The following LRP1B variants were observed in gnomAD, a reference collection of about 807,000 sequenced individuals.
The protein encoded by LRP1B is low-density lipoprotein receptor-related protein 1B.
A neutral mutation model predicts 556.6 loss-of-function variants in LRP1B; 217 were observed. The ratio of observed to expected loss-of-function variants is 0.39; its 90% CI spans 0.35 to 0.44. The LOEUF is 0.44. Among genes scored for constraint, LRP1B ranks in the 20% least tolerant of loss-of-function variants. The pLI is 1.00. For synonymous variants in LRP1B, 2,047 were observed against 1,865.8 expected, an observed-to-expected ratio of 1.10 and a Z score of -2.50; for missense variants, 5,053 against 5,620.8, an observed-to-expected ratio of 0.90 and a Z score of 3.23.
intron 86 of LRP1B, among the ~76,000 whole-genome samples, chr2:140,253,842 A>T (rs754803549): frequency 4.6e-5 from 7 of 152,182 alleles, no homozygotes; most frequent in Admixed American, 2.6e-4. Flanking sequence ...AGGCCATTAC[A>T]TTAGACACAC....
intron 2 of LRP1B, among the ~76,000 whole-genome samples, chr2:141,776,219 T>C (rs1237161845): frequency 5.8e-5 from 7 of 120,350 alleles, no homozygotes; most frequent in Non-Finnish European, 1.4e-4. Flanking sequence ...AGTTCTCAGG[T>C]AACGAAAGTG....
intron 1 of LRP1B, among the ~76,000 whole-genome samples, chr2:141,825,705 GTTC>G (rs1696898287): frequency 6.6e-6 from 1 of 152,120 alleles, no homozygotes; most frequent in South Asian, 2.1e-4. Context: ...AGATAATTAA[GTTC>G]TTCTCTACAG....
At chr2:140,615,337 C>A (rs144151484) in intron 41 of LRP1B, among the ~76,000 whole-genome samples, 6,239 of 152,094 alleles carry the variant, frequency 0.041, 178 homozygotes, top group Middle Eastern at 0.082. Flanking sequence ...TTCCCTAGTC[C>A]CCTGACTGCC....
At chr2:141,560,255 A>G (rs571172613) in intron 2 of LRP1B, among the ~76,000 whole-genome samples, 215 of 151,912 alleles carry the variant, frequency 1.4e-3, no homozygotes, top group Non-Finnish European at 2.5e-3. Flanking sequence ...AGGAACATTA[A>G]CTTCATTCTC....
intron 1 of LRP1B, among the ~76,000 whole-genome samples, chr2:141,854,255 T>C (rs1319256675): frequency 1.3e-5 from 2 of 151,888 alleles, no homozygotes; most frequent in Admixed American, 1.3e-4. Flanking sequence ...AAGAGGAAAA[T>C]GTTAAATCAG....
intron 43 of LRP1B, among the ~76,000 whole-genome samples, chr2:140,566,824 A>T (rs1319995229): frequency 6.6e-6 from 1 of 152,178 alleles, no homozygotes; most frequent in Non-Finnish European, 1.5e-5. Flanking sequence ...ACAGTGCCTA[A>T]GTTAAAGCAG....
intron 7 of LRP1B, among the ~76,000 whole-genome samples, chr2:141,093,652 T>A (rs1242528540): frequency 6.6e-6 from 1 of 150,920 alleles, no homozygotes; most frequent in African/African-American, 2.4e-5. Flanking sequence ...CAGAATAGAA[T>A]AAAGAAAAAG....
At chr2:142,055,179 A>G (rs564978812) in intron 1 of LRP1B, among the ~76,000 whole-genome samples, 1 of 152,242 alleles carries the variant, frequency 6.6e-6, no homozygotes, top group Non-Finnish European at 1.5e-5. Context: ...AGGAATAAAC[A>G]GACATATTCA....
chr2:141,671,218 G>C (rs962179066), intron 2 of LRP1B, among the ~76,000 whole-genome samples: 1 of 152,186 alleles, frequency 6.6e-6, no homozygotes, highest in African/African-American at 2.4e-5. Flanking sequence ...CATAACTGCT[G>C]ATTCCAGAGC....
intron 34 of LRP1B, among the ~76,000 whole-genome samples, chr2:140,769,570 T>C (rs1689234011): frequency 6.6e-6 from 1 of 151,904 alleles, no homozygotes; most frequent in Non-Finnish European, 1.5e-5. Flanking sequence ...AAAATAGGAA[T>C]TTATTAAAAT....
chr2:141,877,196 T>G (rs1698793655), intron 1 of LRP1B, among the ~76,000 whole-genome samples: 1 of 151,950 alleles, frequency 6.6e-6, no homozygotes. Flanking sequence ...TGTTAAACAT[T>G]AGTTTTTTTT....
intron 1 of LRP1B, among the ~76,000 whole-genome samples, chr2:141,860,963 T>C (rs899137992): frequency 6.6e-6 from 1 of 152,230 alleles, no homozygotes; most frequent in East Asian, 1.9e-4. Context: ...CACACTAAGA[T>C]AATTTCTGCC....
At chr2:141,329,386 C>CAAAAAAAA in intron 3 of LRP1B, among the ~76,000 whole-genome samples, 1 of 111,730 alleles carries the variant, frequency 9.0e-6, no homozygotes, top group African/African-American at 3.5e-5. Context: ...AAAACTCCGT[C>CAAAAAAAA]AAAAAAAAAA....
At chr2:141,081,043 G>A (rs1289828759) in intron 7 of LRP1B, among the ~76,000 whole-genome samples, 2 of 152,062 alleles carry the variant, frequency 1.3e-5, no homozygotes, top group Non-Finnish European at 2.9e-5. Context: ...ATGTTTCCCA[G>A]GCCAGTTGTG....
At chr2:141,103,278 T>C (rs942856459) in intron 7 of LRP1B, among the ~76,000 whole-genome samples, 14 of 152,094 alleles carry the variant, frequency 9.2e-5, no homozygotes, top group African/African-American at 3.4e-4. Flanking sequence ...TAAAAATAAA[T>C]AAATAAAGCC....
rs200691260 is a variant in LRP1B, at chr2:140,315,042, C to A, written c.12698G>T (p.Gly4233Val). Residue 4233 changes from glycine to valine, a missense_variant, in exon 83 of 91, where the codon GGT (glycine) becomes GTT (valine). This residue lies in a region of LRP1B where 551 missense variants were observed against 592.0 expected (regional missense o/e 0.93). Coordinates refer to ENST00000389484, the MANE Select transcript of LRP1B (RefSeq NM_018557.3). ...NGGRCILNEKGDLRCHCWPSY... is the reference protein window; with the variant it reads ...NGGRCILNEKVDLRCHCWPSY... ...GGGCCAACAGTGACACCTCAAATCA[C>A]CTTTCTCATTTAAAATGCATCTTCC... 1 of 1,611,452 alleles carries A rather than the reference C, an allele frequency of 6.2e-7. No homozygotes were observed. The highest frequency in any genetic ancestry group is 1.3e-5 in the African/African-American group (1 of 74,932).
intron 20 of LRP1B, among the ~76,000 whole-genome samples, chr2:140,944,242 A>AC (rs1397258508): frequency 6.6e-6 from 1 of 152,094 alleles, no homozygotes; most frequent in African/African-American, 2.4e-5. Context: ...CCTTGAACAG[A>AC]CCAGTAACCA....
At position 140,384,939 on chromosome 2, in the gene LRP1B, T is replaced by C. The variant is rs193130674; in HGVS notation, c.10531+954A>G. ...ATAGCTTTCTTTGTTTAAATGACAGTGTATAAAAGTGCCAATAAGAAATAT... is the reference window on the plus strand; with the variant it reads ...ATAGCTTTCTTTGTTTAAATGACAGCGTATAAAAGTGCCAATAAGAAATAT... On this transcript the variant is annotated intron_variant, in intron 67 of 90. Coordinates refer to ENST00000389484, the MANE Select transcript of LRP1B (RefSeq NM_018557.3). Among the ~76,000 whole-genome samples, 9 of 152,244 alleles carry C rather than the reference T, an allele frequency of 5.9e-5. 1 individual carries two copies. In the East Asian group the frequency reaches 1.5e-3, roughly 26 times the overall value.
chr2:140,314,827 ATTG>A, intron 83 of LRP1B, 105 bp downstream of exon 83: 1 of 720,250 alleles, frequency 1.4e-6, no homozygotes, highest in Non-Finnish European at 2.2e-6. Context: ...GTGTTAGTCT[ATTG>A]TTCATTAAGA....
Sources: allele counts gnomAD v4.1 joint callset (sites outside exome capture counted in the v4.1 genomes callset), GRCh38; gene constraint gnomAD v4.1.1; regional missense constraint gnomAD v4.1.1; transcripts MANE v1.5; gene names NCBI Gene and HGNC (gene_info 2026-07-23, HGNC 2026-07-21).